The following PRELID2 variants were observed in gnomAD, a reference collection of about 807,000 sequenced individuals.
PRELID2 encodes PRELI domain-containing protein 2.
In PRELID2, 25 loss-of-function variants were observed where a neutral mutation model predicts 28.4. The observed-to-expected ratio is 0.88, with a 90% CI of 0.64 to 1.23. The LOEUF is 1.23. PRELID2 is among the 50% of genes most tolerant of loss of function. The probability of loss-of-function intolerance (pLI) is 0.00; values close to 1 mark genes in which losing one functional copy is unlikely to be tolerated. For synonymous variants in PRELID2, 76 were observed against 71.6 expected, an observed-to-expected ratio of 1.06 and a Z score of -0.31; for missense variants, 201 against 214.4, an observed-to-expected ratio of 0.94 and a Z score of 0.39.
intron 1 of PRELID2, among the ~76,000 whole-genome samples, chr5:145,515,045 G>C (rs1184070461): frequency 6.6e-6 from 1 of 152,060 alleles, no homozygotes; most frequent in Admixed American, 6.6e-5. Context: ...ATGGCCACAG[G>C]ACAAAGCGGG....
At chr5:145,832,703 C>T (rs1755677185) in intron 1 of PRELID2, among the ~76,000 whole-genome samples, 1 of 152,094 alleles carries the variant, frequency 6.6e-6, no homozygotes, top group Non-Finnish European at 1.5e-5. Context: ...ATCATAACTA[C>T]TTCCTGAGGG....
At chr5:145,361,297 A>C in the PRELID2 span, among the ~76,000 whole-genome samples, 1 of 152,206 alleles carries the variant, frequency 6.6e-6, no homozygotes, top group East Asian at 1.9e-4. Flanking sequence ...CATATTGTTT[A>C]ACCTTGCTAA....
chr5:145,266,998 G>C, the PRELID2 span, among the ~76,000 whole-genome samples: 1 of 152,060 alleles, frequency 6.6e-6, no homozygotes, highest in Admixed American at 6.6e-5. Flanking sequence ...GCATAAGAAT[G>C]ATACAATGGA....
chr5:145,592,493 C>T (rs1333684450), intron 1 of PRELID2, among the ~76,000 whole-genome samples: 1 of 150,364 alleles, frequency 6.7e-6, no homozygotes, highest in African/African-American at 2.5e-5. Context: ...CACACACACA[C>T]ATTGCTATGG....
At chr5:145,618,904 T>C (rs184957667) in intron 1 of PRELID2, among the ~76,000 whole-genome samples, 297 of 152,250 alleles carry the variant, frequency 2.0e-3, no homozygotes, top group African/African-American at 6.8e-3. Flanking sequence ...AATGGAGTTA[T>C]GTACCTAGGA....
chr5:145,532,527 C>T (rs529192990), intron 1 of PRELID2, among the ~76,000 whole-genome samples: 1 of 152,178 alleles, frequency 6.6e-6, no homozygotes, highest in South Asian at 2.1e-4. Context: ...AAAAACTTAA[C>T]TATAGTGACC....
intron 1 of PRELID2, among the ~76,000 whole-genome samples, chr5:145,732,627 T>C (rs995211715): frequency 1.3e-5 from 2 of 152,226 alleles, no homozygotes; most frequent in African/African-American, 4.8e-5. Context: ...AATTCAGATT[T>C]ATGGCAAAGT....
the PRELID2 span, among the ~76,000 whole-genome samples, chr5:145,415,683 T>A: frequency 6.6e-6 from 1 of 151,578 alleles, no homozygotes; most frequent in African/African-American, 2.4e-5. Flanking sequence ...TCTATCATTG[T>A]TGGACATTTG....
intron 1 of PRELID2, among the ~76,000 whole-genome samples, chr5:145,660,204 G>C (rs1167245143): frequency 6.6e-6 from 1 of 152,148 alleles, no homozygotes; most frequent in African/African-American, 2.4e-5. Flanking sequence ...CAGCACAGTG[G>C]TTAAGAGTAT....
the PRELID2 span, among the ~76,000 whole-genome samples, chr5:145,233,944 G>C: frequency 6.6e-6 from 1 of 152,138 alleles, no homozygotes; most frequent in Non-Finnish European, 1.5e-5. Context: ...GAAGTGTAAT[G>C]TTTACCAACC....
Position 145,625,067 on chromosome 5 carries a change from G to T in PRELID2, n.70+139864C>A, listed in dbSNP as rs76819451. Among the ~76,000 whole-genome samples, 3 of 152,212 alleles carry T rather than the reference G, an allele frequency of 2.0e-5. No individual in the cohort carries two copies. In the East Asian group the frequency reaches 5.8e-4, roughly 29 times the overall value. On this transcript the variant is annotated intron_variant and non_coding_transcript_variant, in intron 1 of 2. Transcript: ENST00000510259. ...ACACAAAGTTTGATAATATGATATT[G>T]ATGATACCAAGTGTTGGCTAATACG...
the PRELID2 span, among the ~76,000 whole-genome samples, chr5:145,363,576 T>C: frequency 6.6e-6 from 1 of 152,094 alleles, no homozygotes; most frequent in African/African-American, 2.4e-5. Flanking sequence ...CTAATGTTTA[T>C]TACAACTTTT....
At chr5:145,496,654 A>T (rs535853482) in intron 1 of PRELID2, among the ~76,000 whole-genome samples, 2 of 151,594 alleles carry the variant, frequency 1.3e-5, no homozygotes, top group South Asian at 2.1e-4. Flanking sequence ...TTGCTTGAAG[A>T]CTCTCCATTG....
chr5:145,631,918 C>G (rs1006632603), intron 1 of PRELID2, among the ~76,000 whole-genome samples: 4 of 152,200 alleles, frequency 2.6e-5, no homozygotes, highest in Non-Finnish European at 5.9e-5. Flanking sequence ...TCAGGCTCCA[C>G]AGTGACCATT....
chr5:145,491,177 A>G (rs1752265292), intron 1 of PRELID2, among the ~76,000 whole-genome samples: 1 of 152,200 alleles, frequency 6.6e-6, no homozygotes, highest in African/African-American at 2.4e-5. Flanking sequence ...CATATTAAAA[A>G]CAAGAATTTA....
the PRELID2 span, among the ~76,000 whole-genome samples, chr5:145,322,040 T>C: frequency 4.6e-5 from 7 of 152,200 alleles, no homozygotes; most frequent in Non-Finnish European, 8.8e-5. Context: ...TGAGAAAAGA[T>C]ATTTATTCTA....
intron 5 of PRELID2, among the ~76,000 whole-genome samples, chr5:145,775,580 A>G (rs1360878715): frequency 2.6e-5 from 4 of 152,232 alleles, no homozygotes; most frequent in African/African-American, 9.6e-5. Context: ...CCAGAAGAGA[A>G]ACATTCCACA....
chr5:145,405,278 C>A, the PRELID2 span, among the ~76,000 whole-genome samples: 49 of 152,232 alleles, frequency 3.2e-4, no homozygotes, highest in African/African-American at 1.2e-3. Flanking sequence ...AAGGACTTAA[C>A]AGCACTGTTT....
the PRELID2 span, among the ~76,000 whole-genome samples, chr5:145,430,405 C>G: frequency 2.0e-5 from 3 of 152,284 alleles, no homozygotes; most frequent in African/African-American, 4.8e-5. Context: ...AGTTCTGCTT[C>G]ACACATTCTC....
Sources: gnomAD v4.1 joint callset for allele counts (sites outside exome capture counted in the v4.1 genomes callset) on GRCh38, gnomAD v4.1.1 for gene constraint, MANE v1.5 for transcripts, NCBI Gene and HGNC (gene_info 2026-07-23, HGNC 2026-07-21) for gene names.